Variants in ADAMTSL1 observed in about 807,000 individuals in gnomAD.
ADAMTSL1 encodes the protein ADAMTS like 1.
Under a neutral mutation model 201.8 loss-of-function variants are expected in ADAMTSL1, and 126 were observed. The observed-to-expected ratio is 0.62, with a 90% CI of 0.54 to 0.72. The LOEUF is 0.72. ADAMTSL1 is among the 30% of genes least tolerant of loss of function. ADAMTSL1 has a pLI of 0.00. For synonymous variants in ADAMTSL1, 1,121 were observed against 903.4 expected (o/e 1.24, Z -4.32); for missense variants, 2,679 against 2,277.8 (o/e 1.18, Z -3.59).
chr9:18,580,448 C>T (rs1823026232), intron 4 of ADAMTSL1, among the ~76,000 whole-genome samples: 1 of 152,162 alleles, frequency 6.6e-6, no homozygotes, highest in Non-Finnish European at 1.5e-5. Context: ...AGGCGTTGGA[C>T]ATTTTTTCTT....
chr9:18,791,136 T>C (rs994487765), intron 19 of ADAMTSL1, among the ~76,000 whole-genome samples: 3 of 152,176 alleles, frequency 2.0e-5, no homozygotes, highest in Non-Finnish European at 4.4e-5. Flanking sequence ...AAGAAAATGT[T>C]TTTTTCCAGG....
intron 1 of ADAMTSL1, among the ~76,000 whole-genome samples, chr9:17,991,753 G>A (rs985829867): frequency 2.0e-5 from 3 of 152,096 alleles, no homozygotes; most frequent in Non-Finnish European, 2.9e-5. Context: ...CAGATTTCAC[G>A]GTTAGACTGT....
At chr9:18,592,923 T>C (rs1267010557) in intron 4 of ADAMTSL1, among the ~76,000 whole-genome samples, 1 of 152,198 alleles carries the variant, frequency 6.6e-6, no homozygotes, top group African/African-American at 2.4e-5. Context: ...GTTTTCATCA[T>C]AGAGATATTT....
chr9:18,163,335 T>C (rs975852547), intron 1 of ADAMTSL1, among the ~76,000 whole-genome samples: 2 of 152,046 alleles, frequency 1.3e-5, no homozygotes, highest in African/African-American at 4.8e-5. Flanking sequence ...TAGATGAAAG[T>C]TCTCCAATAC....
chr9:18,192,538 C>G (rs1250182392), intron 2 of ADAMTSL1, among the ~76,000 whole-genome samples: 1 of 152,050 alleles, frequency 6.6e-6, no homozygotes, highest in Non-Finnish European at 1.5e-5. Flanking sequence ...GTCAAAATGG[C>G]TTTGGAAAAA....
At chr9:18,003,068 A>G (rs957971542) in intron 1 of ADAMTSL1, among the ~76,000 whole-genome samples, 24 of 151,970 alleles carry the variant, frequency 1.6e-4, no homozygotes, top group Admixed American at 1.3e-3. Context: ...TGGTTCTACA[A>G]TTTAATAGCT....
At chr9:18,539,511 A>T (rs1365657333) in intron 3 of ADAMTSL1, among the ~76,000 whole-genome samples, 1 of 152,204 alleles carries the variant, frequency 6.6e-6, no homozygotes, top group African/African-American at 2.4e-5. Flanking sequence ...GAACTGCCTC[A>T]GGTTATTTTG....
chr9:18,322,789 TCAA>T (rs1176364373), intron 2 of ADAMTSL1, among the ~76,000 whole-genome samples: 2 of 152,248 alleles, frequency 1.3e-5, no homozygotes, highest in East Asian at 1.9e-4. Flanking sequence ...AAGAGTATCA[TCAA>T]CAACTTTATG....
chr9:18,138,151 T>C (rs1056337017), intron 1 of ADAMTSL1, among the ~76,000 whole-genome samples: 2 of 152,118 alleles, frequency 1.3e-5, no homozygotes, highest in Non-Finnish European at 2.9e-5. Flanking sequence ...GGAGGGGTGA[T>C]GGAACTCACC....
At chr9:18,300,623 A>G (rs1464755018) in intron 2 of ADAMTSL1, among the ~76,000 whole-genome samples, 1 of 151,990 alleles carries the variant, frequency 6.6e-6, no homozygotes, top group East Asian at 1.9e-4. Context: ...CAAACAAACA[A>G]CTCCAAGTGA....
rs1588532359 is a variant in ADAMTSL1, at chr9:17,989,415, A to T, written c.87+82493A>T. ...TTTACTGCTTTATCATAATTTAATTAATCAATATCCTATTATTTAACATTT... is the reference window on the plus strand; with the variant it reads ...TTTACTGCTTTATCATAATTTAATTTATCAATATCCTATTATTTAACATTT... On this transcript the variant is annotated intron_variant, in intron 1 of 29. Transcript: ENST00000680146. Among the ~76,000 whole-genome samples the T allele has an allele frequency of 2.0e-5, 3 of 152,118 alleles. No homozygotes were observed. In the East Asian group the frequency reaches 5.8e-4, roughly 29 times the overall value.
intron 2 of ADAMTSL1, among the ~76,000 whole-genome samples, chr9:18,437,153 C>T (rs1819774459): frequency 1.3e-5 from 2 of 151,894 alleles, no homozygotes; most frequent in South Asian, 4.2e-4. Context: ...CAAAACTGAA[C>T]TCACTATCTC....
intron 23 of ADAMTSL1, among the ~76,000 whole-genome samples, chr9:18,869,937 T>C (rs1011714824): frequency 1.3e-5 from 2 of 152,166 alleles, no homozygotes; most frequent in African/African-American, 4.8e-5. Context: ...ACCTCAATTT[T>C]TTTTCAATTT....
intron 2 of ADAMTSL1, among the ~76,000 whole-genome samples, chr9:18,222,567 A>C (rs922899721): frequency 1.4e-5 from 2 of 145,028 alleles, no homozygotes; most frequent in Non-Finnish European, 3.0e-5. Flanking sequence ...TCCTACTTTG[A>C]TTTTGTTTTT....
chr9:18,340,466 T>C (rs1329871540), intron 2 of ADAMTSL1, among the ~76,000 whole-genome samples: 1 of 152,160 alleles, frequency 6.6e-6, no homozygotes, highest in African/African-American at 2.4e-5. Context: ...ACTGAGCTCA[T>C]AATCTTCTCT....
chr9:18,136,474 T>A (rs1485550973), intron 1 of ADAMTSL1, among the ~76,000 whole-genome samples: 1 of 152,016 alleles, frequency 6.6e-6, no homozygotes, highest in Non-Finnish European at 1.5e-5. Context: ...TGTAGGATGT[T>A]AGGAGAGATA....
chr9:18,900,184 C>T (rs1413094315), intron 26 of ADAMTSL1, among the ~76,000 whole-genome samples: 2 of 152,154 alleles, frequency 1.3e-5, no homozygotes, highest in Non-Finnish European at 2.9e-5. Flanking sequence ...AAAAAAAGCT[C>T]AACATCACTG....
intron 2 of ADAMTSL1, among the ~76,000 whole-genome samples, chr9:18,377,156 A>G (rs749175954): frequency 9.9e-5 from 15 of 152,182 alleles, no homozygotes; most frequent in Non-Finnish European, 1.9e-4. Context: ...AAATTGGATT[A>G]TATGGGTTCA....
intron 23 of ADAMTSL1, among the ~76,000 whole-genome samples, chr9:18,884,250 G>C (rs746984088): frequency 5.3e-5 from 8 of 152,202 alleles, no homozygotes; most frequent in Middle Eastern, 6.8e-3. Context: ...GCTTATTTGG[G>C]CATTTGCCTG....
Sources: allele counts gnomAD v4.1 joint callset (sites outside exome capture counted in the v4.1 genomes callset), GRCh38; gene constraint gnomAD v4.1.1; transcripts MANE v1.5; gene names NCBI Gene and HGNC (gene_info 2026-07-23, HGNC 2026-07-21).